Variants in TNRC18 observed in about 807,000 individuals in gnomAD.
The protein encoded by TNRC18 is trinucleotide repeat containing 18.
TNRC18 carries 69 observed loss-of-function variants against 226.7 expected under a neutral mutation model. The ratio of observed to expected loss-of-function variants is 0.30; its 90% CI spans 0.25 to 0.37. The LOEUF (loss-of-function observed/expected upper bound fraction) is 0.37, where lower values mean the gene tolerates loss of function less well. Ranked by LOEUF, TNRC18 falls within the 10% of genes least tolerant of loss-of-function variation. The pLI, the probability that TNRC18 is intolerant of heterozygous loss-of-function variation, is 1.00. For synonymous variants in TNRC18, 2,449 were observed against 1,927.6 expected (o/e 1.27, Z -7.09); for missense variants, 4,754 against 4,256.6 (o/e 1.12, Z -3.25).
rs762832512 is a variant in TNRC18 at position 5,325,083 on chromosome 7, C to T, written c.6300+13G>A. 1.6e-5 allele frequency: 25 copies of T among 1,549,492 alleles called. No individual in the cohort carries two copies. The highest frequency in any genetic ancestry group is 1.1e-4 in the South Asian group (9 of 83,958). Reference sequence around the variant, plus strand: ...CCCCCCACAGCCCCCAACCAGGGCACGGTGAGCCTCACCTCCTTCTTCACC... The same window carrying T: ...CCCCCCACAGCCCCCAACCAGGGCATGGTGAGCCTCACCTCCTTCTTCACC... On this transcript the variant is annotated intron_variant, in intron 20 of 29. Transcript: ENST00000430969.
At chr7:5,321,906 C>T (rs956717886) in intron 21 of TNRC18, among the ~76,000 whole-genome samples, 5 of 151,924 alleles carry the variant, frequency 3.3e-5, no homozygotes, top group South Asian at 2.1e-4. Context: ...CCCTGACCTC[C>T]GGTGATCCAC....
chr7:5,366,052 G>C (rs1358531496), intron 11 of TNRC18, among the ~76,000 whole-genome samples: 1 of 152,114 alleles, frequency 6.6e-6, no homozygotes, highest in Non-Finnish European at 1.5e-5. Context: ...AGTGTGCAAA[G>C]TTCCAGAGAC....
intron 19 of TNRC18, among the ~76,000 whole-genome samples, chr7:5,326,188 C>T (rs1405751098): frequency 6.6e-6 from 1 of 151,912 alleles, no homozygotes; most frequent in East Asian, 1.9e-4. Flanking sequence ...GAACTTTCCA[C>T]AAGCACACAC....
intron 18 of TNRC18, among the ~76,000 whole-genome samples, chr7:5,341,214 A>G (rs1042923759): frequency 1.5e-4 from 22 of 148,788 alleles, no homozygotes; most frequent in Non-Finnish European, 3.1e-4. Context: ...GATGGAGACC[A>G]TCCTGGCTAC....
At chr7:5,345,517 G>GGGGGGGCGCCCCCCCCCCCCCCCCCCC in intron 18 of TNRC18, 45 bp downstream of exon 18, 2 of 377,744 alleles carry the variant, frequency 5.3e-6, no homozygotes, top group Admixed American at 4.8e-5. Context: ...AATGGCGTCC[G>GGGGGGGCGCCCCCCCCCCCCCCCCCCC]CCCCTCCCAC....
At chr7:5,320,459 A>G (rs747293123) in intron 23 of TNRC18, 33 bp from the exon 24 acceptor site, 8 of 1,564,462 alleles carry the variant, frequency 5.1e-6, no homozygotes, top group Non-Finnish European at 6.9e-6. Context: ...CAAGGTGTGG[A>G]CACAGTTATG....
intron 1 of TNRC18, chr7:5,422,891 T>C (rs1288453008): frequency 6.6e-6 from 1 of 152,230 alleles, no homozygotes; most frequent in Non-Finnish European, 1.5e-5. Flanking sequence ...CGTGATTTTT[T>C]TTTGTAAGAG....
chr7:5,316,470 G>A (rs1004487126), intron 24 of TNRC18, among the ~76,000 whole-genome samples: 4 of 151,908 alleles, frequency 2.6e-5, no homozygotes, highest in Non-Finnish European at 5.9e-5. Context: ...GTAGAGATGG[G>A]GTTTCTCCAT....
chr7:5,380,183 C>T (rs551833328), intron 5 of TNRC18, among the ~76,000 whole-genome samples: 4 of 152,196 alleles, frequency 2.6e-5, no homozygotes, highest in Non-Finnish European at 5.9e-5. Flanking sequence ...GAATGGCTCA[C>T]GCCTGTAATC....
At chr7:5,353,520 A>G (rs1473351500) in intron 16 of TNRC18, among the ~76,000 whole-genome samples, 1 of 145,454 alleles carries the variant, frequency 6.9e-6, no homozygotes, top group African/African-American at 2.6e-5. Context: ...AGATCACACC[A>G]CTGCACTCCA....
intron 16 of TNRC18, among the ~76,000 whole-genome samples, chr7:5,355,875 C>G (rs1792315175): frequency 6.6e-6 from 1 of 152,022 alleles, no homozygotes. Context: ...GAGACCCTGT[C>G]TCAAAAAACG....
chr7:5,371,497 G>A, intron 10 of TNRC18, 133 bp from the exon 11 acceptor site: 3 of 1,205,868 alleles, frequency 2.5e-6, no homozygotes, highest in Non-Finnish European at 3.3e-6. Flanking sequence ...CAGGGTGGGA[G>A]CTGTTCTAGG....
Position 5,388,469 on chromosome 7 carries a change from G to A in TNRC18, c.1355C>T (p.Ala452Val). The change falls in exon 5 of 30, where the codon GCC (alanine) becomes GTC (valine). Residue 452 changes from alanine to valine, a missense_variant. By Grantham distance (64) the Ala-to-Val change is moderately conservative. Coordinates refer to ENST00000430969, the MANE Select transcript of TNRC18 (RefSeq NM_001080495.3). The stretch of plus-strand genomic sequence containing the variant: ...CACGTAGGCGCGGGGGTCCGGGGAG[G>A]CGCGTGTGGCCCGCACCGTGGGGGC... ...ADAPTVRATR[A>V]SPDPRAYVPA... The A allele has an allele frequency of 7.0e-7, 1 of 1,426,346 alleles. No individual in the cohort carries two copies. Among genetic ancestry groups the A allele is most frequent in the African/African-American group, 1.5e-5 (1 of 65,246 alleles). The allele number at this position is 1,426,346 out of a possible 1,614,324, so 88.4% of individuals were successfully genotyped here.
In TNRC18 at chr7:5,421,841, T is replaced by C. The variant is rs1782605056; in HGVS notation, c.-243-352A>G. ...GCGTAAATACAAACCTCCTATTTTA[T>C]TCCTAGGCGTCAAATGCTCCGGGGT... On this transcript the variant is annotated intron_variant, in intron 1 of 29. Transcript: ENST00000430969. Among the ~76,000 whole-genome samples, 3 of 152,248 alleles carry C rather than the reference T, an allele frequency of 2.0e-5. No individual in the cohort carries two copies. The South Asian group carries it at 6.2e-4, about 31-fold the overall frequency.
At chr7:5,316,375 G>T (rs1377206688) in intron 24 of TNRC18, among the ~76,000 whole-genome samples, 3 of 147,846 alleles carry the variant, frequency 2.0e-5, no homozygotes, top group Admixed American at 7.2e-5. Context: ...CGCCTCCCGG[G>T]TTCAAGTGAT....
At chr7:5,356,185 G>A (rs11295790) in intron 16 of TNRC18, among the ~76,000 whole-genome samples, 94,189 of 128,362 alleles carry the variant, frequency 0.73, 31,769 homozygotes, top group East Asian at 0.95. Context: ...AAAAAAAAAA[G>A]AAAGAAAATA....
chr7:5,337,341 G>C (rs770144188), intron 18 of TNRC18, among the ~76,000 whole-genome samples: 1 of 152,072 alleles, frequency 6.6e-6, no homozygotes, highest in Admixed American at 6.6e-5. Flanking sequence ...CTAAGAGGCC[G>C]GGCATGATGG....
intron 15 of TNRC18, 150 bp from the exon 16 acceptor site, chr7:5,357,426 T>C (rs1037066864): frequency 5.2e-6 from 5 of 957,834 alleles, no homozygotes; most frequent in Admixed American, 3.1e-5. Flanking sequence ...TTATTTTTTT[T>C]TTAGAGACGG....
intron 2 of TNRC18, among the ~76,000 whole-genome samples, chr7:5,397,708 GCTC>G (rs1262499180): frequency 3.3e-5 from 5 of 152,046 alleles, no homozygotes. Context: ...CTCCTAGAAT[GCTC>G]CTCCTTCACT....
Sources: gnomAD v4.1 joint callset for allele counts (sites outside exome capture counted in the v4.1 genomes callset) on GRCh38, gnomAD v4.1.1 for gene constraint, MANE v1.5 for transcripts, NCBI Gene and HGNC (gene_info 2026-07-23, HGNC 2026-07-21) for gene names.